Variants in GALNTL5 observed in about 807,000 individuals in gnomAD.
GALNTL5 encodes inactive polypeptide N-acetylgalactosaminyltransferase-like protein 5.
GALNTL5 carries 44 observed loss-of-function variants against 51.0 expected under a neutral mutation model. That is an observed-to-expected ratio of 0.86 (90% CI 0.68 to 1.11). The LOEUF is 1.11. GALNTL5 is among the 50% of genes least tolerant of loss of function. The probability of loss-of-function intolerance (pLI) is 0.00; values close to 1 mark genes in which losing one functional copy is unlikely to be tolerated. For missense variants in GALNTL5, 528 were observed against 531.8 expected, an observed-to-expected ratio of 0.99 and a Z score of 0.07; for synonymous variants, 192 against 182.8, an observed-to-expected ratio of 1.05 and a Z score of -0.41.
At chr7:151,993,700 G>A (rs566446791) in intron 5 of GALNTL5, among the ~76,000 whole-genome samples, 2 of 152,146 alleles carry the variant, frequency 1.3e-5, no homozygotes, top group Admixed American at 6.5e-5. Context: ...GCTCACTGCA[G>A]CCTCGAACTC....
chr7:151,967,506 A>ATTT lies in GALNTL5; in HGVS notation c.247+18_247+20dup. 2 of 1,605,952 alleles carry ATTT rather than the reference A, an allele frequency of 1.2e-6. No individual in the cohort carries two copies. The highest frequency in any genetic ancestry group is 1.7e-6 in the Non-Finnish European group (2 of 1,174,794). On this transcript the variant is annotated intron_variant, in intron 2 of 8. Transcript: ENST00000392800. ...AAGTCTATGTTAGGTAAGTATTTGG[A>ATTT]TTTTTTTCCGTTAGCCATTTGAAGG...
chr7:151,987,383 T>G, intron 5 of GALNTL5, 102 bp downstream of exon 5: 2 of 1,021,964 alleles, frequency 2.0e-6, no homozygotes, highest in Non-Finnish European at 2.8e-6. Context: ...CTGTGTCTGC[T>G]TCATCAGAAG....
intron 5 of GALNTL5, among the ~76,000 whole-genome samples, chr7:152,000,113 C>G (rs567608425): frequency 1.3e-5 from 2 of 151,990 alleles, no homozygotes; most frequent in Non-Finnish European, 2.9e-5. Flanking sequence ...AGTTTTCTGC[C>G]GAAAATCAAA....
chr7:152,006,452 A>G (rs1360428071), intron 6 of GALNTL5, among the ~76,000 whole-genome samples: 1 of 152,254 alleles, frequency 6.6e-6, no homozygotes, highest in Non-Finnish European at 1.5e-5. Context: ...GGATTCTGAT[A>G]GGAATGTTCC....
rs61288964 is a variant in GALNTL5 at position 151,980,737 on chromosome 7, ATTTTTTT to A, written c.369-2229_369-2223del. On this transcript the variant is annotated intron_variant, in intron 3 of 8. Transcript: ENST00000392800. ...CCGTGTGATTGCAGTGCTAACAATG[ATTTTTTT>A]TTTTTTTTTTTTTTTTTTTGAGATG... Among the ~76,000 whole-genome samples the A allele has an allele frequency of 6.0e-3, 591 of 98,970 alleles. 27 individuals carry two copies. The highest frequency in any genetic ancestry group is 0.014 in the South Asian group (43 of 3,144). The allele number at this position is 98,970 out of a possible 152,430, so 64.9% of individuals were successfully genotyped here. A position where few individuals can be genotyped will look rare whatever the true frequency, so the allele number is the denominator to read the frequency against.
intron 3 of GALNTL5, among the ~76,000 whole-genome samples, chr7:151,971,401 C>T (rs2081140047): frequency 6.6e-6 from 1 of 152,162 alleles, no homozygotes; most frequent in South Asian, 2.1e-4. Flanking sequence ...ATGCTCTGGA[C>T]AGCTACTTTT....
intron 6 of GALNTL5, among the ~76,000 whole-genome samples, chr7:152,003,625 G>T (rs376993632): frequency 2.1e-4 from 32 of 152,300 alleles, no homozygotes; most frequent in African/African-American, 7.0e-4. Context: ...TAATGTCACA[G>T]ACTTTGGAAC....
rs766983374 is a variant in GALNTL5, at chr7:152,007,885, G to A, written c.967G>A (p.Gly323Arg). Residue 323 changes from glycine to arginine, a missense_variant, in exon 7 of 9, where the codon GGA (glycine) becomes AGA (arginine). By Grantham distance (125) the Gly-to-Arg change is moderately radical (BLOSUM62 -2). Coordinates refer to ENST00000392800, the MANE Select transcript of GALNTL5 (RefSeq NM_145292.4). ...AIRRHYFNEIGQYDKDMDFWG... is the reference protein window; with the variant it reads ...AIRRHYFNEIRQYDKDMDFWG... ...ACGTCGGCATTATTTTAATGAAATT[G>A]GACAGTATGACAAGGATATGGATTT... is the stretch of plus-strand genomic sequence containing the variant. 1.9e-6 allele frequency: 3 copies of A among 1,613,036 alleles called. No individual in the cohort carries two copies. The highest frequency in any genetic ancestry group is 2.5e-6 in the Non-Finnish European group (3 of 1,179,310).
At chr7:151,987,923 C>T (rs1586830499) in intron 5 of GALNTL5, among the ~76,000 whole-genome samples, 1 of 151,944 alleles carries the variant, frequency 6.6e-6, no homozygotes, top group East Asian at 1.9e-4. Context: ...CACTTCCTCC[C>T]AACCACCACC....
In GALNTL5 at chr7:152,002,706, CT is replaced by C; in HGVS notation, c.659-7del. 6.2e-7 allele frequency: 1 copy of C among 1,613,590 alleles called. No individual in the cohort carries two copies. The highest frequency in any genetic ancestry group is 8.5e-7 in the Non-Finnish European group (1 of 1,179,734). ...TGGACTAACATTGCCCTGTTCTTGC[CT>C]CCCCAGGGGATGTTCTGGTGTTCCT... is the stretch of plus-strand genomic sequence containing the variant. On this transcript the variant is annotated splice_region_variant and splice_polypyrimidine_tract_variant and intron_variant, in intron 5 of 8. Coordinates refer to ENST00000392800, the MANE Select transcript of GALNTL5 (RefSeq NM_145292.4).
At position 151,963,309 on chromosome 7, in the gene GALNTL5, C is replaced by T. The variant is rs114623812; in HGVS notation, c.-39-3899C>T. Among the ~76,000 whole-genome samples, 319 of 152,372 alleles carry T rather than the reference C, an allele frequency of 2.1e-3. 3 individuals are homozygous for T. The highest frequency in any genetic ancestry group is 7.3e-3 in the African/African-American group (305 of 41,588). ...TCTTTCTGCCTTCTAGAATGAAACACCACAGGTCTCAACTTTCTCTTAGGC... is the reference window on the plus strand; with the variant it reads ...TCTTTCTGCCTTCTAGAATGAAACATCACAGGTCTCAACTTTCTCTTAGGC... On this transcript the variant is annotated intron_variant, in intron 1 of 8. Coordinates refer to ENST00000392800, the MANE Select transcript of GALNTL5 (RefSeq NM_145292.4).
chr7:152,006,451 T>C lies in GALNTL5; in HGVS notation c.909-1376T>C, dbSNP rs571825887. Among the ~76,000 whole-genome samples, 4 of 152,332 alleles carry C rather than the reference T, an allele frequency of 2.6e-5. No homozygotes were observed. In the South Asian group the frequency reaches 6.2e-4, roughly 24 times the overall value. ...AGATAACAGCATGACTGGATTCTGATAGGAATGTTCCTATCTGGTGCACTC... is the reference window on the plus strand; with the variant it reads ...AGATAACAGCATGACTGGATTCTGACAGGAATGTTCCTATCTGGTGCACTC... On this transcript the variant is annotated intron_variant, in intron 6 of 8. Coordinates refer to ENST00000392800, the MANE Select transcript of GALNTL5 (RefSeq NM_145292.4).
chr7:151,983,200 TGAG>T, intron 4 of GALNTL5, 48 bp downstream of exon 4: 1 of 1,430,314 alleles, frequency 7.0e-7, no homozygotes. Context: ...TTGTTGTTGT[TGAG>T]ATTTCCCTCT....
chr7:151,993,432 T>C (rs775902836), intron 5 of GALNTL5, among the ~76,000 whole-genome samples: 3 of 152,138 alleles, frequency 2.0e-5, no homozygotes, highest in African/African-American at 7.2e-5. Flanking sequence ...TGGTGTCTTT[T>C]TTGATTTCCT....
intron 2 of GALNTL5, 68 bp downstream of exon 2, chr7:151,967,561 G>A: frequency 7.2e-7 from 1 of 1,397,384 alleles, no homozygotes; most frequent in South Asian, 1.2e-5. Context: ...TTAATATTTG[G>A]AAGAGTACGA....
At chr7:152,010,923 A>T (rs190828221) in intron 7 of GALNTL5, among the ~76,000 whole-genome samples, 1,537 of 152,292 alleles carry the variant, frequency 0.01, 11 homozygotes, top group Non-Finnish European at 0.015. Flanking sequence ...AAAGGATAAA[A>T]TATATTTTAT....
At chr7:151,978,602 C>T (rs1243686441) in intron 3 of GALNTL5, among the ~76,000 whole-genome samples, 3 of 152,148 alleles carry the variant, frequency 2.0e-5, no homozygotes, top group African/African-American at 7.2e-5. Context: ...TAAGAAAGTA[C>T]CATCAGCTGG....
At chr7:152,003,875 C>G (rs943320728) in intron 6 of GALNTL5, among the ~76,000 whole-genome samples, 3 of 152,070 alleles carry the variant, frequency 2.0e-5, no homozygotes, top group African/African-American at 4.8e-5. Flanking sequence ...TGATATTCAA[C>G]AGGGAAACTG....
intron 2 of GALNTL5, among the ~76,000 whole-genome samples, chr7:151,968,545 C>T (rs982690123): frequency 6.6e-6 from 1 of 152,166 alleles, no homozygotes; most frequent in Non-Finnish European, 1.5e-5. Flanking sequence ...TGCTCATTTC[C>T]CCGAGGTCAC....
Sources: gnomAD v4.1 joint callset for allele counts (sites outside exome capture counted in the v4.1 genomes callset) on GRCh38, gnomAD v4.1.1 for gene constraint, MANE v1.5 for transcripts, NCBI Gene and HGNC (gene_info 2026-07-23, HGNC 2026-07-21) for gene names.